CHRM3: variants seen among roughly 807,000 people sequenced by gnomAD.
The protein encoded by CHRM3 is cholinergic receptor muscarinic 3, also known as muscarinic acetylcholine receptor M3.
In CHRM3, 11 loss-of-function variants were observed where a neutral mutation model predicts 41.8. That is an observed-to-expected ratio of 0.26 (90% CI 0.17 to 0.44). The LOEUF (loss-of-function observed/expected upper bound fraction) is 0.44. Among genes scored for constraint, CHRM3 ranks in the 20% least tolerant of loss-of-function variants. The probability of loss-of-function intolerance (pLI) is 1.00; values close to 1 mark genes in which losing one functional copy is unlikely to be tolerated. For synonymous variants in CHRM3, 297 were observed against 301.4 expected, an observed-to-expected ratio of 0.99 and a Z score of 0.15; for missense variants, 571 against 745.4, an observed-to-expected ratio of 0.77 and a Z score of 2.72.
intron 3 of CHRM3, among the ~76,000 whole-genome samples, chr1:239,614,329 C>A (rs1667397961): frequency 6.6e-6 from 1 of 152,100 alleles, no homozygotes; most frequent in South Asian, 2.1e-4. Flanking sequence ...AAAAATTAAT[C>A]AGAGAGTGTG....
intron 2 of CHRM3, among the ~76,000 whole-genome samples, chr1:239,540,829 A>G (rs972380845): frequency 6.6e-6 from 1 of 152,108 alleles, no homozygotes; most frequent in Non-Finnish European, 1.5e-5. Context: ...AAGTATAGCA[A>G]TTTAACATTC....
chr1:239,755,258 C>T (rs1382840122), intron 5 of CHRM3, among the ~76,000 whole-genome samples: 1 of 152,176 alleles, frequency 6.6e-6, no homozygotes, highest in Non-Finnish European at 1.5e-5. Context: ...TATTTACCTT[C>T]AGTATGTCAG....
intron 6 of CHRM3, among the ~76,000 whole-genome samples, chr1:239,832,923 C>T (rs375449681): frequency 1.3e-5 from 2 of 152,092 alleles, no homozygotes; most frequent in African/African-American, 2.4e-5. Context: ...TTCCCTTTAC[C>T]GTAAACATCA....
intron 1 of CHRM3, among the ~76,000 whole-genome samples, chr1:239,411,793 A>G (rs1045993642): frequency 1.3e-5 from 2 of 148,352 alleles, no homozygotes; most frequent in Non-Finnish European, 3.0e-5. Flanking sequence ...ATTTAATATT[A>G]ATTTTATGTC....
chr1:239,785,120 G>A (rs1042397425), intron 5 of CHRM3, among the ~76,000 whole-genome samples: 4 of 152,068 alleles, frequency 2.6e-5, no homozygotes, highest in South Asian at 2.1e-4. Flanking sequence ...AGCAAGGCTC[G>A]CAGCTCCTTC....
In CHRM3 at chr1:239,609,927, T is replaced by C. The variant is rs543477827; in HGVS notation, c.-312-22297T>C. ...AGTACTATAGGCCGGGCGCAGTGGC[T>C]CAAGCCTGTAATCCCAGCACTTTGG... On this transcript the variant is annotated intron_variant, in intron 3 of 6. Coordinates refer to ENST00000676153, the MANE Select transcript of CHRM3 (RefSeq NM_001375978.1). 2.6e-5 allele frequency among the ~76,000 whole-genome samples: 4 copies of C among 152,208 alleles called. No individual in the cohort carries two copies. The South Asian group carries it at 8.3e-4, about 32-fold the overall frequency.
chr1:239,759,156 GGTTTTTTT>G (rs1354999094), intron 5 of CHRM3, among the ~76,000 whole-genome samples: 1 of 133,032 alleles, frequency 7.5e-6, no homozygotes, highest in African/African-American at 3.5e-5. Context: ...GAGCTTTATG[GGTTTTTTT>G]TTTTGTTTTT....
intron 6 of CHRM3, among the ~76,000 whole-genome samples, chr1:239,871,206 C>T (rs1367505601): frequency 6.6e-6 from 1 of 151,978 alleles, no homozygotes; most frequent in Non-Finnish European, 1.5e-5. Context: ...TGCACTATAT[C>T]CTGTGTATAG....
intron 3 of CHRM3, among the ~76,000 whole-genome samples, chr1:239,624,613 T>A (rs1668828698): frequency 6.6e-6 from 1 of 151,640 alleles, no homozygotes; most frequent in South Asian, 2.1e-4. Context: ...GGTTTTCTTC[T>A]AGGGTATTTA....
intron 2 of CHRM3, among the ~76,000 whole-genome samples, chr1:239,544,607 A>T (rs1659109359): frequency 6.6e-6 from 1 of 152,214 alleles, no homozygotes; most frequent in Non-Finnish European, 1.5e-5. Flanking sequence ...CAAAAGTGTG[A>T]ATTAAGGCAA....
intron 5 of CHRM3, among the ~76,000 whole-genome samples, chr1:239,820,194 C>A (rs909345086): frequency 6.6e-6 from 1 of 152,188 alleles, no homozygotes; most frequent in Non-Finnish European, 1.5e-5. Context: ...CTACTGTGCA[C>A]ACAGGGAGAA....
intron 1 of CHRM3, among the ~76,000 whole-genome samples, chr1:239,450,421 AT>A (rs2103316511): frequency 6.6e-6 from 1 of 152,276 alleles, no homozygotes; most frequent in Admixed American, 6.5e-5. Context: ...ATACTTTTAT[AT>A]TCTCTTTTAA....
intron 4 of CHRM3, among the ~76,000 whole-genome samples, chr1:239,636,243 T>G (rs1670453641): frequency 6.6e-6 from 1 of 152,256 alleles, no homozygotes; most frequent in South Asian, 2.1e-4. Context: ...AAATTTTCCC[T>G]GTTTTTATGG....
At chr1:239,407,086 T>A (rs1162962326) in intron 1 of CHRM3, among the ~76,000 whole-genome samples, 2 of 152,208 alleles carry the variant, frequency 1.3e-5, no homozygotes, top group Non-Finnish European at 2.9e-5. Flanking sequence ...TTTTTTGTTG[T>A]TGTCTCTATC....
intron 6 of CHRM3, among the ~76,000 whole-genome samples, chr1:239,891,931 G>A (rs748210552): frequency 2.0e-5 from 3 of 152,198 alleles, no homozygotes; most frequent in Non-Finnish European, 4.4e-5. Flanking sequence ...TGGGGGTATA[G>A]CAAGGTGTGT....
At chr1:239,859,709 C>T (rs981780024) in intron 6 of CHRM3, among the ~76,000 whole-genome samples, 1 of 151,094 alleles carries the variant, frequency 6.6e-6, no homozygotes, top group Non-Finnish European at 1.5e-5. Flanking sequence ...AGCCACCACT[C>T]CCAGCCATAC....
chr1:239,608,848 T>C (rs143914943), intron 3 of CHRM3, among the ~76,000 whole-genome samples: 1 of 152,340 alleles, frequency 6.6e-6, no homozygotes, highest in Non-Finnish European at 1.5e-5. Context: ...ATATAACAAT[T>C]CAATCTCAAA....
chr1:239,645,790 G>A (rs898669295), intron 4 of CHRM3, among the ~76,000 whole-genome samples: 59 of 152,186 alleles, frequency 3.9e-4, no homozygotes, highest in African/African-American at 1.4e-3. Context: ...AGAACCAGGA[G>A]TAATCAGGTG....
At chr1:239,843,123 T>A (rs1047098977) in intron 6 of CHRM3, among the ~76,000 whole-genome samples, 1 of 152,184 alleles carries the variant, frequency 6.6e-6, no homozygotes, top group African/African-American at 2.4e-5. Flanking sequence ...ACTATCCAGG[T>A]AATATAAATT....
Sources: allele counts gnomAD v4.1 joint callset (sites outside exome capture counted in the v4.1 genomes callset), GRCh38; gene constraint gnomAD v4.1.1; transcripts MANE v1.5; gene names NCBI Gene and HGNC (gene_info 2026-07-23, HGNC 2026-07-21).